ELAVL4: variants seen among roughly 807,000 people sequenced by gnomAD.
ELAVL4 encodes ELAV like RNA binding protein 4.
In ELAVL4, 1 loss-of-function variant was observed where a neutral mutation model predicts 35.6. The ratio of observed to expected loss-of-function variants is 0.03; its 90% CI spans 0.01 to 0.13. The LOEUF is 0.13. Ranked by LOEUF, ELAVL4 falls within the 10% of genes least tolerant of loss-of-function variation. The pLI, the probability that ELAVL4 is intolerant of heterozygous loss-of-function variation, is 1.00. For missense variants in ELAVL4, 267 were observed against 464.9 expected, an observed-to-expected ratio of 0.57 and a Z score of 3.91; for synonymous variants, 156 against 171.0, an observed-to-expected ratio of 0.91 and a Z score of 0.69.
intron 1 of ELAVL4, among the ~76,000 whole-genome samples, chr1:50,056,633 T>A (rs1663687666): frequency 2.0e-5 from 3 of 152,172 alleles, no homozygotes; most frequent in Non-Finnish European, 4.4e-5. Flanking sequence ...TATATTTTTA[T>A]CATTATTTAA....
chr1:50,165,812 GTA>G (rs949528318), intron 2 of ELAVL4, among the ~76,000 whole-genome samples: 29 of 149,754 alleles, frequency 1.9e-4, no homozygotes, highest in African/African-American at 6.6e-4. Flanking sequence ...ATGTGTGTGT[GTA>G]TATATATATG....
At chr1:50,134,172 A>G (rs1379018864) in intron 1 of ELAVL4, among the ~76,000 whole-genome samples, 1 of 152,218 alleles carries the variant, frequency 6.6e-6, no homozygotes, top group Non-Finnish European at 1.5e-5. Flanking sequence ...CATGATACAT[A>G]TGTGGAATAG....
chr1:50,109,829 T>A, intron 1 of ELAVL4: 1 of 1,412,652 alleles, frequency 7.1e-7, no homozygotes, highest in South Asian at 1.2e-5. Flanking sequence ...CGTGTTGAGT[T>A]GTTGCTTCCT....
At chr1:50,156,031 G>A (rs11576583) in intron 2 of ELAVL4, among the ~76,000 whole-genome samples, 11,209 of 149,394 alleles carry the variant, frequency 0.075, 848 homozygotes, top group East Asian at 0.42. Flanking sequence ...GCACAGGCAC[G>A]CACACACACA....
At position 50,112,242 on chromosome 1, in the gene ELAVL4, A is replaced by T. The variant is rs1165790426; in HGVS notation, c.9+3044A>T. On this transcript the variant is annotated intron_variant, in intron 1 of 6. Transcript: ENST00000371824. ...GAGTGCATAAGCCTGTGTCACCTTT[A>T]AAAAAATAGAATTTTTTTAAGTCTC... Among the ~76,000 whole-genome samples, 3 of 152,056 alleles carry T rather than the reference A, an allele frequency of 2.0e-5. No individual in the cohort carries two copies. In the East Asian group the frequency reaches 5.8e-4, roughly 29 times the overall value.
At chr1:50,200,785 C>T in intron 6 of ELAVL4, 66 bp from the exon 7 acceptor site, 1 of 1,575,128 alleles carries the variant, frequency 6.3e-7, no homozygotes, top group South Asian at 1.2e-5. Context: ...TGTGTCTGTG[C>T]ATCTGTGTGT....
intron 1 of ELAVL4, among the ~76,000 whole-genome samples, chr1:50,084,791 A>T (rs1360238940): frequency 6.6e-6 from 1 of 152,052 alleles, no homozygotes; most frequent in Admixed American, 6.6e-5. Context: ...TTTTCCCTGA[A>T]AGTCTTATCT....
intron 1 of ELAVL4, among the ~76,000 whole-genome samples, chr1:50,125,049 T>C (rs551328402): frequency 1.9e-4 from 29 of 152,114 alleles, no homozygotes; most frequent in African/African-American, 6.5e-4. Flanking sequence ...GCTTTCATTT[T>C]AGAGGAAGAA....
intron 1 of ELAVL4, among the ~76,000 whole-genome samples, chr1:50,079,062 A>T (rs1348349725): frequency 6.6e-6 from 1 of 152,082 alleles, no homozygotes; most frequent in Non-Finnish European, 1.5e-5. Context: ...GCCATCTAAG[A>T]TGTTCAGTTT....
chr1:50,198,555 C>G (rs1644203789), intron 6 of ELAVL4, among the ~76,000 whole-genome samples: 1 of 152,190 alleles, frequency 6.6e-6, no homozygotes, highest in Admixed American at 6.5e-5. Context: ...AAATCTCAAT[C>G]CCAGCATCAA....
intron 1 of ELAVL4, among the ~76,000 whole-genome samples, chr1:50,051,514 T>C (rs1488235181): frequency 6.6e-6 from 1 of 152,198 alleles, no homozygotes; most frequent in Non-Finnish European, 1.5e-5. Flanking sequence ...AAAAGTTAAA[T>C]TGTATATTCT....
chr1:50,074,517 T>C (rs1173195730), intron 1 of ELAVL4, among the ~76,000 whole-genome samples: 1 of 152,224 alleles, frequency 6.6e-6, no homozygotes, highest in Non-Finnish European at 1.5e-5. Flanking sequence ...GCTGATTATA[T>C]GTCCGGTTTT....
At chr1:50,048,079 G>C (rs1034637193) in exon 1 of ELAVL4, 57 of 1,409,766 alleles carry the variant, frequency 4.0e-5, no homozygotes, top group Non-Finnish European at 5.1e-5. Flanking sequence ...AGCGAGAGCG[G>C]TGAGACTCTG....
intron 1 of ELAVL4, among the ~76,000 whole-genome samples, chr1:50,136,538 T>C (rs1671918247): frequency 6.6e-6 from 1 of 152,188 alleles, no homozygotes; most frequent in African/African-American, 2.4e-5. Flanking sequence ...GCTTTATACA[T>C]ATATTTTCAA....
chr1:50,109,122 T>C lies in ELAVL4; in HGVS notation c.-68T>C. The C allele has an allele frequency of 6.5e-7, 1 of 1,541,624 alleles. No homozygotes were observed. Among genetic ancestry groups the C allele is most frequent in the Non-Finnish European group, 8.8e-7 (1 of 1,141,576 alleles). ...CAATAGTAGTCATTTTAAATATATA[T>C]TCTGAAATCTTTGCAAATTTTAACA... is the stretch of plus-strand genomic sequence containing the variant. On this transcript the variant is annotated 5_prime_UTR_variant, in exon 1 of 7. Transcript: ENST00000371824.
At position 50,201,377 on chromosome 1, in the gene ELAVL4, G is replaced by T; in HGVS notation, c.*199G>T. The T allele has an allele frequency of 2.2e-6, 1 of 455,672 alleles. No individual in the cohort carries two copies. Among genetic ancestry groups the T allele is most frequent in the South Asian group, 9.5e-5 (1 of 10,534 alleles). The allele number at this position is 455,672 out of a possible 1,614,324, so 28.2% of individuals were successfully genotyped here. On this transcript the variant is annotated 3_prime_UTR_variant, in exon 7 of 7. Transcript: ENST00000371824. This position sits in a 1 kb window ranked among gnomAD's most constrained non-coding sequence, Gnocchi z 4.3. Reference sequence around the variant, plus strand: ...GTGTACCAGGAAAGGATTTTATAATGCTTAGAAAAAAAGAAAAAAAAAAAA... The same window carrying T: ...GTGTACCAGGAAAGGATTTTATAATTCTTAGAAAAAAAGAAAAAAAAAAAA...
chr1:50,076,862 T>C (rs1279990197), intron 1 of ELAVL4, among the ~76,000 whole-genome samples: 2 of 152,138 alleles, frequency 1.3e-5, no homozygotes, highest in Non-Finnish European at 2.9e-5. Flanking sequence ...TCAGCAGGAC[T>C]TAGAAAGTCC....
chr1:50,194,576 T>G (rs556431587), intron 4 of ELAVL4, among the ~76,000 whole-genome samples: 15 of 152,216 alleles, frequency 9.9e-5, no homozygotes, highest in Non-Finnish European at 2.1e-4. Flanking sequence ...ACGTTTATCA[T>G]GTGATTCATG....
intron 1 of ELAVL4, among the ~76,000 whole-genome samples, chr1:50,132,155 G>A (rs185175583): frequency 1.5e-4 from 23 of 152,078 alleles, no homozygotes; most frequent in African/African-American, 3.4e-4. Context: ...TAATCGATAC[G>A]TATTAGAAGG....
Sources: allele counts gnomAD v4.1 joint callset (sites outside exome capture counted in the v4.1 genomes callset), GRCh38; gene constraint gnomAD v4.1.1; non-coding constraint Gnocchi (gnomAD v3.1); transcripts MANE v1.5; gene names NCBI Gene and HGNC (gene_info 2026-07-23, HGNC 2026-07-21).